NCKAP1L: variants seen among roughly 807,000 people sequenced by gnomAD.
The protein encoded by NCKAP1L is nck-associated protein 1-like.
Under a neutral mutation model 139.2 loss-of-function variants are expected in NCKAP1L, and 53 were observed. The observed-to-expected ratio is 0.38, with a 90% CI of 0.31 to 0.48. NCKAP1L has a LOEUF of 0.48. Among genes scored for constraint, NCKAP1L ranks in the 20% least tolerant of loss-of-function variants. The pLI is 0.98. For synonymous variants in NCKAP1L, 468 were observed against 499.7 expected, an observed-to-expected ratio of 0.94 and a Z score of 0.85; for missense variants, 1,151 against 1,381.9, an observed-to-expected ratio of 0.83 and a Z score of 2.65.
chr12:54,524,326 A>G (rs1288508383), intron 20 of NCKAP1L, among the ~76,000 whole-genome samples: 1 of 152,228 alleles, frequency 6.6e-6, no homozygotes, highest in Non-Finnish European at 1.5e-5. Context: ...TAAAGTAAGG[A>G]TAATGGTATT....
At chr12:54,517,421 C>T (rs557585998) in intron 11 of NCKAP1L, 112 bp from the exon 12 acceptor site, 1 of 728,302 alleles carries the variant, frequency 1.4e-6, no homozygotes, top group African/African-American at 1.8e-5. Flanking sequence ...ATTATTCACA[C>T]TGTTGTGGCT....
At chr12:54,540,342 A>G (rs576494051) in intron 30 of NCKAP1L, among the ~76,000 whole-genome samples, 8 of 152,180 alleles carry the variant, frequency 5.3e-5, no homozygotes, top group Non-Finnish European at 4.4e-5. Flanking sequence ...CTGGTTAAGG[A>G]TTATGAGAGA....
intron 22 of NCKAP1L, among the ~76,000 whole-genome samples, chr12:54,529,510 A>AGTC (rs1228430019): frequency 2.6e-5 from 4 of 152,134 alleles, no homozygotes; most frequent in African/African-American, 9.7e-5. Flanking sequence ...TGTCCTCTCC[A>AGTC]GTCTTCTTCT....
At chr12:54,535,332 G>A (rs1957106312) in intron 27 of NCKAP1L, 135 bp downstream of exon 27, 2 of 612,034 alleles carry the variant, frequency 3.3e-6, no homozygotes, top group African/African-American at 3.8e-5. Context: ...GTGAAGGAAG[G>A]ACCCTAACCT....
chr12:54,538,079 C>T (rs1273632841), intron 29 of NCKAP1L, among the ~76,000 whole-genome samples: 1 of 152,204 alleles, frequency 6.6e-6, no homozygotes. Flanking sequence ...TATTTCTTTG[C>T]AAAGTATGGT....
In NCKAP1L at chr12:54,509,665, C is replaced by T. The variant is rs759022603; in HGVS notation, c.507-4C>T. 1.2e-6 allele frequency: 2 copies of T among 1,610,538 alleles called. No homozygotes were observed. Among genetic ancestry groups the T allele is most frequent in the South Asian group, 2.2e-5 (2 of 91,018 alleles). On this transcript the variant is annotated splice_polypyrimidine_tract_variant and splice_region_variant and intron_variant, in intron 5 of 30. Coordinates refer to ENST00000293373, the MANE Select transcript of NCKAP1L (RefSeq NM_005337.5). ...TGTAACCCCTCTCCTCTGCTTTCTT[C>T]TAGTGACCCCAGTTTTGCCCGTCTG...
intron 3 of NCKAP1L, among the ~76,000 whole-genome samples, chr12:54,507,506 C>T (rs1023251120): frequency 6.6e-6 from 1 of 152,128 alleles, no homozygotes; most frequent in African/African-American, 2.4e-5. Context: ...CAATACGAAT[C>T]GTTTGATTTT....
intron 29 of NCKAP1L, 137 bp from the exon 30 acceptor site, chr12:54,538,747 A>G (rs1592354445): frequency 5.9e-6 from 4 of 672,368 alleles, no homozygotes; most frequent in South Asian, 1.8e-5. Context: ...GAGATTTGCC[A>G]CTTTCCCACC....
At chr12:54,507,104 C>T (rs1956847630) in intron 3 of NCKAP1L, among the ~76,000 whole-genome samples, 1 of 151,738 alleles carries the variant, frequency 6.6e-6, no homozygotes, top group African/African-American at 2.4e-5. Context: ...CTGTTTCTCT[C>T]TCTCTCTTTT....
At chr12:54,535,770 CCTT>C (rs1312702877) in intron 27 of NCKAP1L, among the ~76,000 whole-genome samples, 1 of 152,120 alleles carries the variant, frequency 6.6e-6, no homozygotes, top group Non-Finnish European at 1.5e-5. Context: ...CCAGACTTAC[CCTT>C]CTTCTTCTCT....
chr12:54,523,291 G>A, intron 18 of NCKAP1L, 103 bp from the exon 19 acceptor site: 1 of 1,347,354 alleles, frequency 7.4e-7, no homozygotes, highest in Non-Finnish European at 1.0e-6. Flanking sequence ...AAGGCAGAAA[G>A]ATAAAATAAC....
chr12:54,498,154 G>T (rs1346638947), intron 1 of NCKAP1L, among the ~76,000 whole-genome samples: 1 of 152,064 alleles, frequency 6.6e-6, no homozygotes, highest in Non-Finnish European at 1.5e-5. Context: ...GGGGGTGAGG[G>T]TGGGGATGGG....
intron 26 of NCKAP1L, among the ~76,000 whole-genome samples, chr12:54,533,444 G>C (rs1279374266): frequency 6.6e-6 from 1 of 152,182 alleles, no homozygotes; most frequent in Non-Finnish European, 1.5e-5. Context: ...CCTTATCTCT[G>C]AGGCCGTGGT....
rs368439226 is a variant in NCKAP1L at position 54,538,871 on chromosome 12, T to C, written c.3184-13T>C. On this transcript the variant is annotated splice_polypyrimidine_tract_variant and intron_variant, in intron 29 of 30. Coordinates refer to ENST00000293373, the MANE Select transcript of NCKAP1L (RefSeq NM_005337.5). Reference sequence around the variant, plus strand: ...CTGTATAAAAATCTGCTTTACAAATTCTTCCCTTACAGGTGGCCTCTGTCA... The same window carrying C: ...CTGTATAAAAATCTGCTTTACAAATCCTTCCCTTACAGGTGGCCTCTGTCA... 3.1e-6 allele frequency: 5 copies of C among 1,611,858 alleles called. No homozygotes were observed.
At chr12:54,530,423 G>A (rs1957058679) in intron 22 of NCKAP1L, among the ~76,000 whole-genome samples, 2 of 152,306 alleles carry the variant, frequency 1.3e-5, no homozygotes, top group Middle Eastern at 6.8e-3. Context: ...AAAGCACTGG[G>A]ACTACTAGAG....
chr12:54,527,391 G>T (rs552537226), intron 21 of NCKAP1L, among the ~76,000 whole-genome samples: 1 of 152,308 alleles, frequency 6.6e-6, no homozygotes, highest in South Asian at 2.1e-4. Context: ...GCAAATGCCA[G>T]TTGGGGCCAG....
At chr12:54,515,939 A>C (rs1237517676) in intron 9 of NCKAP1L, among the ~76,000 whole-genome samples, 3 of 152,178 alleles carry the variant, frequency 2.0e-5, no homozygotes, top group Non-Finnish European at 2.9e-5. Context: ...GGAGCACAGG[A>C]AGAGAAGTCT....
chr12:54,528,161 T>C (rs1412368055), intron 21 of NCKAP1L, 86 bp from the exon 22 acceptor site: 1 of 1,503,956 alleles, frequency 6.6e-7, no homozygotes, highest in Non-Finnish European at 9.0e-7. Flanking sequence ...AGAGTTTTTC[T>C]TTCTGAGCTC....
chr12:54,523,639 G>C (rs1957004313), intron 19 of NCKAP1L, 100 bp downstream of exon 19: 1 of 1,491,424 alleles, frequency 6.7e-7, no homozygotes, highest in South Asian at 1.3e-5. Context: ...CGCAAGTCAT[G>C]GTGGGGAATG....
Sources: allele counts gnomAD v4.1 joint callset (sites outside exome capture counted in the v4.1 genomes callset), GRCh38; gene constraint gnomAD v4.1.1; transcripts MANE v1.5; gene names NCBI Gene and HGNC (gene_info 2026-07-23, HGNC 2026-07-21).